ATP8A1: variants seen among roughly 807,000 people sequenced by gnomAD.
The protein encoded by ATP8A1 is phospholipid-transporting ATPase IA.
ATP8A1 carries 90 observed loss-of-function variants against 177.7 expected under a neutral mutation model. The ratio of observed to expected loss-of-function variants is 0.51; its 90% CI spans 0.43 to 0.60. The LOEUF is 0.60. Ranked by LOEUF, ATP8A1 falls within the 20% of genes least tolerant of loss-of-function variation. The pLI, the probability that ATP8A1 is intolerant of heterozygous loss-of-function variation, is 0.00. For synonymous variants in ATP8A1, 493 were observed against 485.9 expected, an observed-to-expected ratio of 1.01 and a Z score of -0.19; for missense variants, 1,072 against 1,392.8, an observed-to-expected ratio of 0.77 and a Z score of 3.67.
At chr4:42,630,966 C>T (rs1738669409) in intron 1 of ATP8A1, among the ~76,000 whole-genome samples, 1 of 152,074 alleles carries the variant, frequency 6.6e-6, no homozygotes, top group African/African-American at 2.4e-5. Flanking sequence ...CTTAAAACAC[C>T]TAATATTGTA....
chr4:42,421,807 TGAA>T (rs1713967705), intron 35 of ATP8A1, among the ~76,000 whole-genome samples: 1 of 152,006 alleles, frequency 6.6e-6, no homozygotes, highest in African/African-American at 2.4e-5. Flanking sequence ...ATGATAAAAA[TGAA>T]GAAAAAAAAT....
intron 24 of ATP8A1, among the ~76,000 whole-genome samples, chr4:42,501,308 C>T (rs533038437): frequency 4.6e-5 from 7 of 152,272 alleles, no homozygotes; most frequent in African/African-American, 1.4e-4. Flanking sequence ...TTACATGTGC[C>T]ATGTACTGTG....
At chr4:42,607,616 T>C (rs1186264575) in intron 5 of ATP8A1, among the ~76,000 whole-genome samples, 1 of 145,936 alleles carries the variant, frequency 6.9e-6, no homozygotes, top group Non-Finnish European at 1.5e-5. Context: ...ACAGAGATGC[T>C]ATTCTGATTC....
chr4:42,615,977 G>C (rs1215538060), intron 5 of ATP8A1, 56 bp downstream of exon 5: 1 of 1,474,766 alleles, frequency 6.8e-7, no homozygotes, highest in African/African-American at 1.4e-5. Context: ...TGAAGTGTTT[G>C]TATATACTAC....
At chr4:42,643,907 G>A (rs937920751) in intron 1 of ATP8A1, among the ~76,000 whole-genome samples, 2 of 152,220 alleles carry the variant, frequency 1.3e-5, no homozygotes, top group East Asian at 3.9e-4. Context: ...TCACTTTCTC[G>A]CCAATTATTT....
At chr4:42,617,612 A>T (rs1737048844) in intron 4 of ATP8A1, among the ~76,000 whole-genome samples, 1 of 152,238 alleles carries the variant, frequency 6.6e-6, no homozygotes. Context: ...TCCAAGGTAA[A>T]TTTAGATATT....
At chr4:42,446,676 A>C (rs1717293606) in intron 30 of ATP8A1, 32 bp from the exon 31 acceptor site, 1 of 1,574,588 alleles carries the variant, frequency 6.4e-7, no homozygotes, top group East Asian at 2.2e-5. Context: ...ATTAGAAAGG[A>C]AAATGAGATT....
intron 25 of ATP8A1, among the ~76,000 whole-genome samples, chr4:42,469,650 T>C (rs1720174613): frequency 1.3e-5 from 2 of 152,184 alleles, no homozygotes; most frequent in African/African-American, 2.4e-5. Context: ...AAGTTAGAAT[T>C]TGACTTGGCC....
At chr4:42,448,392 C>CTT (rs1577952776) in intron 30 of ATP8A1, among the ~76,000 whole-genome samples, 1 of 19,930 alleles carries the variant, frequency 5.0e-5, no homozygotes, top group East Asian at 2.4e-3. Flanking sequence ...CCCTCCTTCT[C>CTT]TTTCTTTTCT....
chr4:42,612,021 T>C (rs1297837033), intron 5 of ATP8A1, among the ~76,000 whole-genome samples: 1 of 152,106 alleles, frequency 6.6e-6, no homozygotes, highest in African/African-American at 2.4e-5. Flanking sequence ...CTTTGAGTAA[T>C]GAAAGGGATC....
chr4:42,596,392 G>A (rs1456514494), intron 6 of ATP8A1, among the ~76,000 whole-genome samples: 1 of 152,126 alleles, frequency 6.6e-6, no homozygotes, highest in African/African-American at 2.4e-5. Context: ...ACTATTAGCT[G>A]GGCATGGTGG....
chr4:42,440,813 G>C (rs1457986238), intron 33 of ATP8A1, among the ~76,000 whole-genome samples: 1 of 152,110 alleles, frequency 6.6e-6, no homozygotes, highest in Non-Finnish European at 1.5e-5. Context: ...TCCTGAACCA[G>C]CACAGAGCAG....
intron 23 of ATP8A1, among the ~76,000 whole-genome samples, chr4:42,506,049 A>G (rs1724331410): frequency 6.6e-6 from 1 of 152,190 alleles, no homozygotes; most frequent in African/African-American, 2.4e-5. Flanking sequence ...CCCAATTCCT[A>G]TGCTGAACTC....
chr4:42,619,092 C>T (rs1202429490), intron 4 of ATP8A1, among the ~76,000 whole-genome samples: 1 of 151,918 alleles, frequency 6.6e-6, no homozygotes. Flanking sequence ...TTCTGTCGTC[C>T]AGGCTGGAGT....
chr4:42,590,916 G>GT (rs1469580336), intron 6 of ATP8A1, 32 bp from the exon 7 acceptor site: 2 of 1,339,996 alleles, frequency 1.5e-6, no homozygotes, highest in Non-Finnish European at 2.0e-6. Flanking sequence ...AATTAAAATG[G>GT]CCAAAAAAAA....
intron 22 of ATP8A1, among the ~76,000 whole-genome samples, chr4:42,517,627 T>C (rs1373280245): frequency 6.6e-6 from 1 of 152,208 alleles, no homozygotes; most frequent in African/African-American, 2.4e-5. Context: ...AAGTTAGGCC[T>C]TCCTACTAAT....
At position 42,648,362 on chromosome 4, in the gene ATP8A1, C is replaced by T. The variant is rs543555668; in HGVS notation, c.49+8463G>A. ...GGACCAAAATAAAGAGAGGTGGCGGCGGGTGGGGTGGGGGGAAGGGAAAGA... is the reference window on the plus strand; with the variant it reads ...GGACCAAAATAAAGAGAGGTGGCGGTGGGTGGGGTGGGGGGAAGGGAAAGA... On this transcript the variant is annotated intron_variant, in intron 1 of 36. Transcript: ENST00000381668. Among the ~76,000 whole-genome samples the T allele has an allele frequency of 3.5e-4, 41 of 116,558 alleles. No individual in the cohort carries two copies. In the East Asian group the frequency reaches 6.0e-3, roughly 17 times the overall value. The allele number at this position is 116,558 out of a possible 152,430, so 76.5% of individuals were successfully genotyped here. A position where few individuals can be genotyped will look rare whatever the true frequency, so the allele number is the denominator to read the frequency against.
At chr4:42,592,255 A>T (rs1337772429) in intron 6 of ATP8A1, among the ~76,000 whole-genome samples, 1 of 152,124 alleles carries the variant, frequency 6.6e-6, no homozygotes. Flanking sequence ...ATTAAGACAC[A>T]GAAACTATTT....
chr4:42,553,833 T>C (rs892143904), intron 16 of ATP8A1, among the ~76,000 whole-genome samples: 5 of 152,164 alleles, frequency 3.3e-5, no homozygotes, highest in Non-Finnish European at 7.4e-5. Context: ...GCAAATATCA[T>C]GTAATGTGAC....
Sources: allele counts gnomAD v4.1 joint callset (sites outside exome capture counted in the v4.1 genomes callset), GRCh38; gene constraint gnomAD v4.1.1; transcripts MANE v1.5; gene names NCBI Gene and HGNC (gene_info 2026-07-23, HGNC 2026-07-21).